Variants in PDZRN4 observed in about 807,000 individuals in gnomAD.
PDZRN4 encodes the protein PDZ domain-containing RING finger protein 4.
Under a neutral mutation model 99.0 loss-of-function variants are expected in PDZRN4, and 70 were observed. The observed-to-expected ratio is 0.71, with a 90% confidence interval of 0.58 to 0.86. The LOEUF is 0.86. Among genes scored for constraint, PDZRN4 ranks in the 40% least tolerant of loss-of-function variants. The pLI is 0.00. For synonymous variants in PDZRN4, 551 were observed against 501.6 expected (o/e 1.10, Z -1.32); for missense variants, 1,474 against 1,331.2 (o/e 1.11, Z -1.67).
At chr12:41,439,957 G>T (rs182203163) in intron 3 of PDZRN4, among the ~76,000 whole-genome samples, 1 of 152,272 alleles carries the variant, frequency 6.6e-6, no homozygotes, top group African/African-American at 2.4e-5. Flanking sequence ...ACCAGTGATA[G>T]GCTCATATAA....
chr12:41,359,377 T>G (rs956518797), intron 3 of PDZRN4, among the ~76,000 whole-genome samples: 3 of 152,032 alleles, frequency 2.0e-5, no homozygotes, highest in African/African-American at 7.2e-5. Context: ...TACTGCATTC[T>G]GAAAAGCAAT....
intron 3 of PDZRN4, among the ~76,000 whole-genome samples, chr12:41,300,490 C>T (rs1358603151): frequency 1.3e-5 from 2 of 151,874 alleles, no homozygotes; most frequent in Non-Finnish European, 2.9e-5. Context: ...AACTGTCTGG[C>T]ACACCCAGAA....
At chr12:41,358,064 G>A (rs1348423462) in intron 3 of PDZRN4, among the ~76,000 whole-genome samples, 1 of 151,952 alleles carries the variant, frequency 6.6e-6, no homozygotes, top group Non-Finnish European at 1.5e-5. Context: ...GTGAAACATG[G>A]GGACAACTAG....
intron 3 of PDZRN4, among the ~76,000 whole-genome samples, chr12:41,332,669 G>A (rs1430975753): frequency 6.8e-6 from 1 of 147,500 alleles, no homozygotes; most frequent in African/African-American, 2.5e-5. Flanking sequence ...CAAGAGGAAT[G>A]ACCAAGAACT....
At chr12:41,395,818 A>G (rs1389927153) in intron 3 of PDZRN4, among the ~76,000 whole-genome samples, 1 of 152,176 alleles carries the variant, frequency 6.6e-6, no homozygotes, top group Admixed American at 6.6e-5. Flanking sequence ...GTTTAGCTGA[A>G]TAGTATATTA....
chr12:41,514,075 T>TA (rs2033480744), intron 5 of PDZRN4, among the ~76,000 whole-genome samples: 1 of 152,016 alleles, frequency 6.6e-6, no homozygotes, highest in African/African-American at 2.4e-5. Context: ...TCCAATATCA[T>TA]AAAAACGTAA....
intron 5 of PDZRN4, among the ~76,000 whole-genome samples, chr12:41,547,498 CA>C (rs1199701182): frequency 6.6e-6 from 1 of 152,032 alleles, no homozygotes; most frequent in Non-Finnish European, 1.5e-5. Flanking sequence ...TGGTGGCAGG[CA>C]CCTGTAATCC....
chr12:41,343,064 C>A (rs1052717089), intron 3 of PDZRN4, among the ~76,000 whole-genome samples: 3 of 151,872 alleles, frequency 2.0e-5, no homozygotes, highest in African/African-American at 7.2e-5. Flanking sequence ...AAAATACTAT[C>A]ATTTGTGACA....
intron 5 of PDZRN4, among the ~76,000 whole-genome samples, chr12:41,544,589 G>T (rs1938915014): frequency 6.6e-6 from 1 of 151,974 alleles, no homozygotes; most frequent in Admixed American, 6.6e-5. Flanking sequence ...AACAGATAAG[G>T]ACCTTCTTAG....
Position 41,489,732 on chromosome 12 carries a change from A to G in PDZRN4, c.844-16724A>G, listed in dbSNP as rs1378797091. Among the ~76,000 whole-genome samples the G allele has an allele frequency of 2.0e-5, 3 of 151,278 alleles. No homozygotes were observed. In the East Asian group the frequency reaches 5.8e-4, roughly 29 times the overall value. On this transcript the variant is annotated intron_variant, in intron 3 of 9. Coordinates refer to ENST00000402685, the MANE Select transcript of PDZRN4 (RefSeq NM_001164595.2). ...CCTTGCGAAGCTGTCATTTGATAAG[A>G]CTAGGACATCAATAAAACTTTAATG...
chr12:41,283,301 G>C (rs1565541241), intron 3 of PDZRN4, among the ~76,000 whole-genome samples: 1 of 152,090 alleles, frequency 6.6e-6, no homozygotes. Context: ...ACCCTCCCCA[G>C]ACTAAACCAG....
chr12:41,400,723 T>G (rs1952283426), intron 3 of PDZRN4, among the ~76,000 whole-genome samples: 1 of 152,142 alleles, frequency 6.6e-6, no homozygotes, highest in Admixed American at 6.6e-5. Context: ...TAGCCCTCAA[T>G]GAAAAATAAT....
At chr12:41,324,469 T>G (rs965112368) in intron 3 of PDZRN4, among the ~76,000 whole-genome samples, 2 of 152,100 alleles carry the variant, frequency 1.3e-5, no homozygotes, top group Admixed American at 1.3e-4. Context: ...ACATTTTAAT[T>G]GAAGAGCTGT....
intron 3 of PDZRN4, among the ~76,000 whole-genome samples, chr12:41,373,285 C>T (rs987344616): frequency 5.3e-5 from 8 of 152,020 alleles, no homozygotes; most frequent in Non-Finnish European, 8.8e-5. Flanking sequence ...AGGGTTTGAG[C>T]GCAGACAGCC....
chr12:41,268,719 G>T (rs1951295610), intron 3 of PDZRN4, among the ~76,000 whole-genome samples: 1 of 152,070 alleles, frequency 6.6e-6, no homozygotes, highest in Non-Finnish European at 1.5e-5. Context: ...AAGAATTTTA[G>T]AGTCAGACTA....
intron 3 of PDZRN4, among the ~76,000 whole-genome samples, chr12:41,402,194 C>CACTGAGTATATATATATATATATAT (rs1952297151): frequency 1.7e-4 from 1 of 5,912 alleles, no homozygotes; most frequent in African/African-American, 1.7e-3. Context: ...TATATATACA[C>CACTGAGTATATATATATATATATAT]ACACACTGAG....
At chr12:41,371,790 T>C (rs1952044110) in intron 3 of PDZRN4, among the ~76,000 whole-genome samples, 1 of 152,184 alleles carries the variant, frequency 6.6e-6, no homozygotes, top group Non-Finnish European at 1.5e-5. Flanking sequence ...TGAGGTGTCA[T>C]TGATGTAGCC....
Position 41,552,718 on chromosome 12 carries a change from A to G in PDZRN4, c.1266A>G (p.Thr422=). 1.2e-6 allele frequency: 2 copies of G among 1,613,788 alleles called. No individual in the cohort carries two copies. The highest frequency in any genetic ancestry group is 1.6e-4 in the Middle Eastern group (1 of 6,062). ...TGGGCCTGACAGTCTGTTACCGAAC[A>G]GATGATGAAGAAGACACCGGCATTT... ...EKLGLTVCYR[T]DDEEDTGIYV... The change falls in exon 6 of 10, where the codon ACA becomes ACG. Residue 422 remains threonine (T), a synonymous_variant. Coordinates refer to ENST00000402685, the MANE Select transcript of PDZRN4 (RefSeq NM_001164595.2).
At chr12:41,322,279 G>A (rs1001163493) in intron 3 of PDZRN4, among the ~76,000 whole-genome samples, 2 of 151,598 alleles carry the variant, frequency 1.3e-5, no homozygotes, top group Non-Finnish European at 2.9e-5. Context: ...CGTCCACCTC[G>A]GCCTCCCAAA....
Sources: gnomAD v4.1 joint callset for allele counts (sites outside exome capture counted in the v4.1 genomes callset) on GRCh38, gnomAD v4.1.1 for gene constraint, MANE v1.5 for transcripts, NCBI Gene and HGNC (gene_info 2026-07-23, HGNC 2026-07-21) for gene names.